ANKRD36B: variants seen among roughly 807,000 people sequenced by gnomAD.
ANKRD36B encodes the protein ankyrin repeat domain 36B, also known as ankyrin repeat domain-containing protein 36B.
Under a neutral mutation model 135.7 loss-of-function variants are expected in ANKRD36B, and 37 were observed. That is an observed-to-expected ratio of 0.27 (90% confidence interval 0.21 to 0.36). The LOEUF is 0.36. Ranked by LOEUF, ANKRD36B falls within the 10% of genes least tolerant of loss-of-function variation. ANKRD36B has a pLI of 1.00. For synonymous variants in ANKRD36B, 179 were observed against 348.1 expected (o/e 0.51, Z 5.41); for missense variants, 549 against 1,037.1 (o/e 0.53, Z 6.46).
Position 97,513,041 on chromosome 2 carries a change from T to C in ANKRD36B, c.2805+139A>G, listed in dbSNP as rs186174795. On this transcript the variant is annotated intron_variant, in intron 38 of 43. Coordinates refer to ENST00000359901, the MANE Select transcript of ANKRD36B (RefSeq NM_001393939.1). ...GATTTATTATAAATAATTATAGCTA[T>C]AAATGCCATGATTCATTTTTAAGAT... is the stretch of plus-strand genomic sequence containing the variant. 21 of 1,051,096 alleles carry C rather than the reference T, an allele frequency of 2.0e-5. 1 individual carries two copies. In the Admixed American group the frequency reaches 6.2e-4, roughly 31 times the overall value. 65.1% of individuals were successfully genotyped at this position (1,051,096 alleles called of 1,614,324 possible).
rs995725339 is a variant in ANKRD36B, at chr2:97,580,400, T to C, written c.557+62A>G. 9.3e-6 allele frequency: 13 copies of C among 1,398,922 alleles called. No individual in the cohort carries two copies. In the Admixed American group the frequency reaches 2.8e-4, roughly 30 times the overall value. 86.7% of individuals were successfully genotyped at this position (1,398,922 alleles called of 1,614,324 possible). Reference sequence around the variant, plus strand: ...ATGTAATATTTGTGACTTGAGTGACTGCTACCACTCTAAAATGACACTCAG... The same window carrying C: ...ATGTAATATTTGTGACTTGAGTGACCGCTACCACTCTAAAATGACACTCAG... On this transcript the variant is annotated intron_variant, in intron 4 of 43. Transcript: ENST00000359901.
chr2:97,579,631 AAATATAT>A (rs1345703858), intron 4 of ANKRD36B, among the ~76,000 whole-genome samples: 1 of 35,226 alleles, frequency 2.8e-5, no homozygotes, highest in African/African-American at 6.7e-5. Flanking sequence ...ATAATCTATA[AAATATAT>A]AATATATAGT....
At chr2:97,506,277 T>G (rs1363135634) in intron 43 of ANKRD36B, 4 of 3,494 alleles carry the variant, frequency 1.1e-3, no homozygotes, top group East Asian at 0.011. Context: ...CTAGCCCAGG[T>G]TTGTGTCAAT....
rs371391354 is a variant in ANKRD36B, at chr2:97,556,991, C to G, written c.1015G>C (p.Val339Leu). ...SAQKVIFKKK[V>L]SLLNIATRIM... ...CTTGTGGCAATATTCAAAAGAGAAACTTTCTTTTTAAATATAACCTGAATG... is the reference window on the plus strand; with the variant it reads ...CTTGTGGCAATATTCAAAAGAGAAAGTTTCTTTTTAAATATAACCTGAATG... Residue 339 changes from valine to leucine, a missense_variant, in exon 12 of 44, where the codon GTT becomes CTT. Transcript: ENST00000359901. 5 of 1,573,592 alleles carry G rather than the reference C, an allele frequency of 3.2e-6. No homozygotes were observed. The highest frequency in any genetic ancestry group is 8.6e-7 in the Non-Finnish European group (1 of 1,159,694).
intron 8 of ANKRD36B, among the ~76,000 whole-genome samples, chr2:97,559,397 A>C (rs1486052687): frequency 6.6e-6 from 1 of 151,936 alleles, no homozygotes; most frequent in Non-Finnish European, 1.5e-5. Context: ...ATTATACTAC[A>C]GATGTTCATT....
intron 43 of ANKRD36B, among the ~76,000 whole-genome samples, chr2:97,498,310 A>C (rs1262104077): frequency 1.3e-5 from 1 of 77,332 alleles, no homozygotes; most frequent in Non-Finnish European, 3.1e-5. Context: ...GAATGATGAC[A>C]ACATTGAGGT....
chr2:97,546,131 C>T (rs1389314993), intron 22 of ANKRD36B, among the ~76,000 whole-genome samples: 1 of 151,612 alleles, frequency 6.6e-6, no homozygotes. Context: ...ATATCAATGT[C>T]GATATGCCGA....
chr2:97,547,973 T>C (rs886107663), intron 20 of ANKRD36B, among the ~76,000 whole-genome samples: 2 of 151,702 alleles, frequency 1.3e-5, no homozygotes, highest in African/African-American at 4.8e-5. Context: ...TGCCAAAAAC[T>C]AAAATAAAAC....
intron 35 of ANKRD36B, chr2:97,524,452 A>G (rs1489050412): frequency 2.1e-5 from 2 of 96,084 alleles, no homozygotes; most frequent in East Asian, 2.3e-4. Flanking sequence ...GTTTGTTGTC[A>G]TTTTCACAGT....
rs1382878362 is a variant in ANKRD36B at position 97,534,912 on chromosome 2, T to C, written c.2191+1388A>G. On this transcript the variant is annotated intron_variant, in intron 34 of 43. Transcript: ENST00000359901. ...ATTGCAGCACTTTTCACAATAGCCATGATTTGGAATCAACCTAAATGTACA... is the reference window on the plus strand; with the variant it reads ...ATTGCAGCACTTTTCACAATAGCCACGATTTGGAATCAACCTAAATGTACA... Among the ~76,000 whole-genome samples the C allele has an allele frequency of 3.1e-5, 3 of 97,382 alleles. 1 individual carries two copies. The highest frequency in any genetic ancestry group is 8.2e-5 in the Non-Finnish European group (3 of 36,542). 63.9% of individuals were successfully genotyped at this position (97,382 alleles called of 152,430 possible).
chr2:97,494,094 T>C lies in ANKRD36B; in HGVS notation c.*7-1239A>G, dbSNP rs541196333. Among the ~76,000 whole-genome samples the C allele has an allele frequency of 3.4e-4, 36 of 107,146 alleles. 3 individuals carry two copies. Among genetic ancestry groups the C allele is most frequent in the African/African-American group, 9.4e-4 (36 of 38,318 alleles). 70.3% of individuals were successfully genotyped at this position (107,146 alleles called of 152,430 possible). A position where few individuals can be genotyped will look rare whatever the true frequency, so the allele number is the denominator to read the frequency against. On this transcript the variant is annotated intron_variant, in intron 43 of 43. Coordinates refer to ENST00000359901, the MANE Select transcript of ANKRD36B (RefSeq NM_001393939.1). ...GCCTATTACCCAGTTCCAAAGCAAA[T>C]TCTGCATTATCAGGTGTTTTTATAG... is the stretch of plus-strand genomic sequence containing the variant.
In ANKRD36B at chr2:97,560,723, G is replaced by C. The variant is rs754904396; in HGVS notation, c.807C>G (p.Asp269Glu). 80 of 1,601,976 alleles carry C rather than the reference G, an allele frequency of 5.0e-5. No individual in the cohort carries two copies. The highest frequency in any genetic ancestry group is 2.9e-4 in the African/African-American group (22 of 74,640). ...KQRAEKATSD[D>E]KDSVSNIATE... ...TGGCTATATTTGAAACAGAATCTTTGTCGTCACTTGTAGCCTGAATGGGAT... is the reference window on the plus strand; with the variant it reads ...TGGCTATATTTGAAACAGAATCTTTCTCGTCACTTGTAGCCTGAATGGGAT... The change falls in exon 8 of 44, where the codon GAC (aspartate) becomes GAG (glutamate). Residue 269 changes from aspartate (D) to glutamate (E), a missense_variant. Physicochemically the swap from Asp to Glu is conservative, Grantham distance 45. Coordinates refer to ENST00000359901, the MANE Select transcript of ANKRD36B (RefSeq NM_001393939.1).
rs13001324 is a variant in ANKRD36B at position 97,547,557 on chromosome 2, C to G, written c.1558G>C (p.Asp520His). 4 of 1,525,458 alleles carry G rather than the reference C, an allele frequency of 2.6e-6. No homozygotes were observed. Among genetic ancestry groups the G allele is most frequent in the South Asian group, 1.1e-5 (1 of 87,280 alleles). The allele number at this position is 1,525,458 out of a possible 1,614,324, so 94.5% of individuals were successfully genotyped here. ...TTACCTCTCCTAGTTTTTTCTCCAT[C>G]TTTTTTTCCTCTGGCTATATTCAAA... is the stretch of plus-strand genomic sequence containing the variant. ...SLLNIARGKK[D>H]GEKTRRVSSH... Residue 520 changes from aspartate (D) to histidine (H), a missense_variant, in exon 22 of 44, where the codon GAT becomes CAT. By Grantham distance (81) the Asp-to-His change is moderately conservative. Coordinates refer to ENST00000359901, the MANE Select transcript of ANKRD36B (RefSeq NM_001393939.1).
chr2:97,560,516 T>G, intron 8 of ANKRD36B, 149 bp downstream of exon 8: 4 of 1,188,424 alleles, frequency 3.4e-6, no homozygotes, highest in Non-Finnish European at 4.7e-6. Context: ...AGTATCAGAG[T>G]CACCTGAGAA....
At chr2:97,547,388 T>C (rs910828401) in intron 22 of ANKRD36B, 148 bp downstream of exon 22, 19 of 990,984 alleles carry the variant, frequency 1.9e-5, no homozygotes, top group African/African-American at 8.2e-5. Flanking sequence ...AGCAACACTA[T>C]CACCCACGAA....
Position 97,560,529 on chromosome 2 carries a change from CACT to C in ANKRD36B, c.865+133_865+135del, listed in dbSNP as rs1262210897. The stretch of plus-strand genomic sequence containing the variant: ...GCAGTATCAGAGTCACCTGAGAACT[CACT>C]ACAAATGAAGAATCTCAGGTGTACT... On this transcript the variant is annotated intron_variant, in intron 8 of 43. Transcript: ENST00000359901. 9.1e-6 allele frequency: 12 copies of C among 1,312,510 alleles called. No individual in the cohort carries two copies. The African/African-American group carries it at 1.3e-4, about 15-fold the overall frequency. 81.3% of individuals were successfully genotyped at this position (1,312,510 alleles called of 1,614,324 possible).
At chr2:97,553,864 A>G (rs1164156805) in intron 14 of ANKRD36B, among the ~76,000 whole-genome samples, 2 of 152,004 alleles carry the variant, frequency 1.3e-5, no homozygotes, top group African/African-American at 4.8e-5. Flanking sequence ...TGTACACGTC[A>G]TGTCTCTGTC....
At chr2:97,549,734 G>C in intron 18 of ANKRD36B, 120 bp from the exon 19 acceptor site, 1 of 1,545,688 alleles carries the variant, frequency 6.5e-7, no homozygotes, top group South Asian at 1.2e-5. Context: ...GGCTTTGATG[G>C]CTTCTACTTT....
intron 5 of ANKRD36B, among the ~76,000 whole-genome samples, chr2:97,577,868 T>C (rs543717573): frequency 2.6e-5 from 4 of 152,032 alleles, no homozygotes; most frequent in South Asian, 4.1e-4. Context: ...AAGGATGGCA[T>C]AGAAGCTTCC....
Sources: gnomAD v4.1 joint callset for allele counts (sites outside exome capture counted in the v4.1 genomes callset) on GRCh38, gnomAD v4.1.1 for gene constraint, MANE v1.5 for transcripts, NCBI Gene and HGNC (gene_info 2026-07-23, HGNC 2026-07-21) for gene names.